PLCL1: variants seen among roughly 807,000 people sequenced by gnomAD.
PLCL1 encodes the protein inactive phospholipase C-like protein 1.
Under a neutral mutation model 84.4 loss-of-function variants are expected in PLCL1, and 41 were observed. The observed-to-expected ratio is 0.49, with a 90% CI of 0.38 to 0.63. The LOEUF (loss-of-function observed/expected upper bound fraction) is 0.63. PLCL1 is among the 30% of genes least tolerant of loss of function. The probability of loss-of-function intolerance (pLI) is 0.00; values close to 1 mark genes in which losing one functional copy is unlikely to be tolerated. For missense variants in PLCL1, 1,206 were observed against 1,367.8 expected, an observed-to-expected ratio of 0.88 and a Z score of 1.87; for synonymous variants, 490 against 488.3, an observed-to-expected ratio of 1.00 and a Z score of -0.05.
At chr2:197,986,457 T>G (rs1172196490) in intron 1 of PLCL1, among the ~76,000 whole-genome samples, 1 of 152,190 alleles carries the variant, frequency 6.6e-6, no homozygotes, top group African/African-American at 2.4e-5. Context: ...ACTCAAGTGG[T>G]CCTTCCACCT....
chr2:198,117,784 C>G (rs1475597630), intron 5 of PLCL1, among the ~76,000 whole-genome samples: 1 of 151,878 alleles, frequency 6.6e-6, no homozygotes, highest in Non-Finnish European at 1.5e-5. Flanking sequence ...GTAGGTGAGA[C>G]TGAAGCTTCT....
chr2:197,868,582 C>A (rs1257873770), intron 1 of PLCL1, among the ~76,000 whole-genome samples: 2 of 152,052 alleles, frequency 1.3e-5, no homozygotes, highest in African/African-American at 4.8e-5. Context: ...CTGACTGGAG[C>A]CTCATCTCCT....
Position 197,805,067 on chromosome 2 carries a change from C to G in PLCL1, c.-33C>G. On this transcript the variant is annotated 5_prime_UTR_variant, in exon 1 of 6. Coordinates refer to ENST00000428675, the MANE Select transcript of PLCL1 (RefSeq NM_006226.4). The surrounding 1 kb of genome is among the most constrained non-coding windows in gnomAD (Gnocchi z 4.0). ...CTGGACTCCGCTGCCGGGCGTCCCG[C>G]TTTCCCCCGGGGAGCCCTAAACGCT... 7.0e-7 allele frequency: 1 copy of G among 1,422,604 alleles called. No individual in the cohort carries two copies. The highest frequency in any genetic ancestry group is 9.1e-7 in the Non-Finnish European group (1 of 1,093,830). 88.1% of individuals were successfully genotyped at this position (1,422,604 alleles called of 1,614,324 possible).
intron 1 of PLCL1, among the ~76,000 whole-genome samples, chr2:197,920,500 G>A (rs1688681472): frequency 6.6e-6 from 1 of 152,016 alleles, no homozygotes; most frequent in Non-Finnish European, 1.5e-5. Context: ...TAACCAAATG[G>A]CTGCTTCATT....
chr2:197,944,508 T>C (rs1486252378), intron 1 of PLCL1, among the ~76,000 whole-genome samples: 1 of 152,188 alleles, frequency 6.6e-6, no homozygotes, highest in African/African-American at 2.4e-5. Flanking sequence ...CTGGTAAATG[T>C]TTAACAACTA....
intron 1 of PLCL1, among the ~76,000 whole-genome samples, chr2:197,859,670 A>G (rs2105691852): frequency 6.6e-6 from 1 of 152,254 alleles, no homozygotes; most frequent in Non-Finnish European, 1.5e-5. Flanking sequence ...TACCTTTCCT[A>G]TGATTAGATA....
chr2:197,899,940 G>C (rs2105735454), intron 1 of PLCL1, among the ~76,000 whole-genome samples: 1 of 152,268 alleles, frequency 6.6e-6, no homozygotes, highest in South Asian at 2.1e-4. Context: ...CGGCCCACAT[G>C]AGTTCTTTCT....
At position 198,084,987 on chromosome 2, in the gene PLCL1, C is replaced by G; in HGVS notation, c.1470C>G (p.Cys490Trp). Residue 490 changes from cysteine (C) to tryptophan (W), a missense_variant, in exon 2 of 6, where the codon TGC (cysteine) becomes TGG (tryptophan). By Grantham distance (215) the Cys-to-Trp change is radical. Coordinates refer to ENST00000428675, the MANE Select transcript of PLCL1 (RefSeq NM_006226.4). The part of the protein sequence containing the change: ...FVASEYPLIL[C>W]LGNHCSLPQQ... ...CTTCTGAATACCCACTCATTCTTTG[C>G]TTGGGAAATCACTGCTCCTTGCCGC... 6.2e-7 allele frequency: 1 copy of G among 1,614,018 alleles called. No individual in the cohort carries two copies. The highest frequency in any genetic ancestry group is 8.5e-7 in the Non-Finnish European group (1 of 1,179,986).
chr2:198,093,256 C>A (rs561697458), intron 3 of PLCL1, among the ~76,000 whole-genome samples: 3 of 152,214 alleles, frequency 2.0e-5, no homozygotes, highest in Admixed American at 1.3e-4. Flanking sequence ...ATAGAATGTA[C>A]AACACAAAGA....
chr2:198,024,692 G>C (rs926483641), intron 1 of PLCL1, among the ~76,000 whole-genome samples: 1 of 152,008 alleles, frequency 6.6e-6, no homozygotes, highest in Non-Finnish European at 1.5e-5. Context: ...GAACCCAGGA[G>C]GCAGAGGTTG....
At chr2:198,108,149 C>T (rs977800325) in intron 5 of PLCL1, among the ~76,000 whole-genome samples, 2 of 151,868 alleles carry the variant, frequency 1.3e-5, no homozygotes, top group African/African-American at 4.8e-5. Context: ...TTCAGAGCTC[C>T]TCTAAGTATT....
chr2:197,813,113 C>T (rs912118011), intron 1 of PLCL1, among the ~76,000 whole-genome samples: 1 of 152,104 alleles, frequency 6.6e-6, no homozygotes, highest in Non-Finnish European at 1.5e-5. Flanking sequence ...CCCTCTAAGC[C>T]TCCCTTGGCT....
At chr2:197,903,898 G>A (rs1574941067) in intron 1 of PLCL1, among the ~76,000 whole-genome samples, 1 of 151,172 alleles carries the variant, frequency 6.6e-6, no homozygotes, top group African/African-American at 2.4e-5. Context: ...CGCCTCCTGG[G>A]TTCAAGCGAT....
intron 1 of PLCL1, among the ~76,000 whole-genome samples, chr2:197,887,308 G>A (rs553289754): frequency 6.9e-4 from 105 of 152,226 alleles, no homozygotes; most frequent in Non-Finnish European, 1.1e-3. Flanking sequence ...TCTGAGGGAG[G>A]GGAGACATTT....
At chr2:197,906,600 A>C (rs1303041729) in intron 1 of PLCL1, among the ~76,000 whole-genome samples, 1 of 152,204 alleles carries the variant, frequency 6.6e-6, no homozygotes, top group Non-Finnish European at 1.5e-5. Flanking sequence ...TCTGTGAAGA[A>C]AGTCAATGGT....
At chr2:197,953,943 T>C (rs1224279668) in intron 1 of PLCL1, among the ~76,000 whole-genome samples, 1 of 151,918 alleles carries the variant, frequency 6.6e-6, no homozygotes, top group Non-Finnish European at 1.5e-5. Context: ...GTATTTTTAC[T>C]GGTCTACACC....
At chr2:197,887,888 G>A (rs1167353638) in intron 1 of PLCL1, among the ~76,000 whole-genome samples, 2 of 152,048 alleles carry the variant, frequency 1.3e-5, no homozygotes, top group Non-Finnish European at 2.9e-5. Flanking sequence ...AGGATCACTT[G>A]AGCTCAGGAG....
intron 1 of PLCL1, among the ~76,000 whole-genome samples, chr2:197,911,667 T>C (rs1369277225): frequency 6.6e-6 from 1 of 152,198 alleles, no homozygotes; most frequent in Non-Finnish European, 1.5e-5. Context: ...TTCTTTAGCT[T>C]CCTGTCCAAT....
chr2:198,038,857 A>G (rs1252435320), intron 1 of PLCL1, among the ~76,000 whole-genome samples: 2 of 151,706 alleles, frequency 1.3e-5, no homozygotes, highest in Non-Finnish European at 2.9e-5. Context: ...AAAAAAAAAA[A>G]AAAGAAAAAA....
Sources: allele counts gnomAD v4.1 joint callset (sites outside exome capture counted in the v4.1 genomes callset), GRCh38; gene constraint gnomAD v4.1.1; non-coding constraint Gnocchi (gnomAD v3.1); transcripts MANE v1.5; gene names NCBI Gene and HGNC (gene_info 2026-07-23, HGNC 2026-07-21).